CISTR: variants seen among roughly 807,000 people sequenced by gnomAD.
CISTR encodes chondrogenic regulator lncRNA.
At position 53,751,619 on chromosome 12, in the gene CISTR, C is replaced by G. The variant is rs1228382926; in HGVS notation, n.415-654G>C. Among the ~76,000 whole-genome samples the G allele has an allele frequency of 1.3e-5, 2 of 152,106 alleles. No homozygotes were observed. The highest frequency in any genetic ancestry group is 2.9e-5 in the Non-Finnish European group (2 of 68,000). ...GCTGCAGCCAATTTCATGCCAGCGC[C>G]GAGCACTGGCTGGGCCGGGAGTGGG... On this transcript the variant is annotated intron_variant and non_coding_transcript_variant, in intron 1 of 2. Transcript: ENST00000669269. This position sits in a 1 kb window ranked among gnomAD's most constrained non-coding sequence, Gnocchi z 4.6.
chr12:53,749,264 G>A (rs1937817733), intron 2 of CISTR, among the ~76,000 whole-genome samples: 1 of 151,248 alleles, frequency 6.6e-6, no homozygotes, highest in Non-Finnish European at 1.5e-5. Flanking sequence ...AGACAGAGGT[G>A]GAGAAAGAAA....
intron 1 of CISTR, among the ~76,000 whole-genome samples, chr12:53,752,979 C>CA (rs1328386267): frequency 4.6e-5 from 7 of 151,648 alleles, no homozygotes; most frequent in South Asian, 4.2e-4. Flanking sequence ...CCAGCTCCCC[C>CA]AAGACTCCTG....
At chr12:53,755,723 C>CG (rs1937907622) in intron 1 of CISTR, 1 of 152,404 alleles carries the variant, frequency 6.6e-6, no homozygotes, top group African/African-American at 2.4e-5. Context: ...CCCCTCTCTA[C>CG]GCTCTTTGCC....
chr12:53,750,350 C>T (rs1320521842), exon 2 of CISTR: 5 of 152,528 alleles, frequency 3.3e-5, no homozygotes, highest in African/African-American at 1.2e-4. Flanking sequence ...GGTGAGCAAA[C>T]CACAAATGAG....
intron 1 of CISTR, among the ~76,000 whole-genome samples, chr12:53,753,087 CACAGAG>C (rs748372984): frequency 0.026 from 2,818 of 106,516 alleles, 66 homozygotes; most frequent in African/African-American, 0.061. Flanking sequence ...CACACACACA[CACAGAG>C]AGAGACACAC....
intron 1 of CISTR, among the ~76,000 whole-genome samples, chr12:53,754,131 G>A (rs1245098082): frequency 6.6e-6 from 1 of 152,102 alleles, no homozygotes; most frequent in Non-Finnish European, 1.5e-5. Context: ...ATAATGGGAA[G>A]ATGGAAGGCT....
At chr12:53,753,091 G>A (rs1864447) in intron 1 of CISTR, among the ~76,000 whole-genome samples, 1 of 116,226 alleles carries the variant, frequency 8.6e-6, no homozygotes, top group East Asian at 2.0e-4. Flanking sequence ...CACACACACA[G>A]AGAGAGACAC....
chr12:53,749,911 T>C (rs140895088), intron 2 of CISTR, among the ~76,000 whole-genome samples: 14 of 152,156 alleles, frequency 9.2e-5, no homozygotes, highest in African/African-American at 3.4e-4. Flanking sequence ...TGAAAGGCAA[T>C]CCTGAAGGGG....
intron 2 of CISTR, among the ~76,000 whole-genome samples, chr12:53,748,362 C>T (rs944101701): frequency 3.9e-5 from 6 of 152,122 alleles, no homozygotes; most frequent in South Asian, 2.1e-4. Flanking sequence ...GGGGAGATGA[C>T]GGACACACAG....
chr12:53,746,550 A>G (rs1384032103), exon 3 of CISTR, among the ~76,000 whole-genome samples: 1 of 152,180 alleles, frequency 6.6e-6, no homozygotes, highest in African/African-American at 2.4e-5. Flanking sequence ...CCCCAGTGCT[A>G]GGAGAACGAG....
chr12:53,751,163 C>A lies in CISTR; in HGVS notation n.415-198G>T, dbSNP rs916463733. Among the ~76,000 whole-genome samples the A allele has an allele frequency of 1.3e-5, 2 of 152,078 alleles. No individual in the cohort carries two copies. Among genetic ancestry groups the A allele is most frequent in the African/African-American group, 4.8e-5 (2 of 41,400 alleles). On this transcript the variant is annotated intron_variant and non_coding_transcript_variant, in intron 1 of 2. Transcript: ENST00000669269. This position sits in a 1 kb window ranked among gnomAD's most constrained non-coding sequence, Gnocchi z 4.6. ...GCGCAATACCCTCCTGGCCCACAGGCCTCCGCACGCACAGGACACACACAC... is the reference window on the plus strand; with the variant it reads ...GCGCAATACCCTCCTGGCCCACAGGACTCCGCACGCACAGGACACACACAC...
chr12:53,747,109 T>G (rs1937791722), intron 2 of CISTR, among the ~76,000 whole-genome samples: 1 of 152,224 alleles, frequency 6.6e-6, no homozygotes, highest in Non-Finnish European at 1.5e-5. Context: ...CCTGTATTCC[T>G]AGGGTCACTC....
rs143489001 is a variant in CISTR at position 53,751,987 on chromosome 12, C to G, written n.415-1022G>C. Among the ~76,000 whole-genome samples, 2 of 152,164 alleles carry G rather than the reference C, an allele frequency of 1.3e-5. No homozygotes were observed. Among genetic ancestry groups the G allele is most frequent in the East Asian group, 1.9e-4 (1 of 5,152 alleles). ...CTCTTCCACAGGGTCTCTCCCTCCC[C>G]CTCTCCCCGTGGTTGTCAGACTTTC... On this transcript the variant is annotated intron_variant and non_coding_transcript_variant, in intron 1 of 2. Transcript: ENST00000669269. This position sits in a 1 kb window ranked among gnomAD's most constrained non-coding sequence, Gnocchi z 4.6.
intron 2 of CISTR, among the ~76,000 whole-genome samples, chr12:53,747,525 T>C (rs981018142): frequency 4.6e-5 from 7 of 152,018 alleles, no homozygotes; most frequent in African/African-American, 1.4e-4. Context: ...AAGTCGTGGT[T>C]GGAATGACTG....
intron 1 of CISTR, among the ~76,000 whole-genome samples, chr12:53,755,227 C>T (rs1240572714): frequency 6.6e-6 from 1 of 151,972 alleles, no homozygotes; most frequent in Non-Finnish European, 1.5e-5. Flanking sequence ...TTTTGTCCCA[C>T]GATGTGAGAC....
chr12:53,754,802 A>G lies in CISTR; in HGVS notation n.414+2012T>C, dbSNP rs796506715. Reference sequence around the variant, plus strand: ...CCCTCTGATCTTGCTTCATACTTTCAATCTCTGTTTTCACTCTCCTGTGCA... The same window carrying G: ...CCCTCTGATCTTGCTTCATACTTTCGATCTCTGTTTTCACTCTCCTGTGCA... On this transcript the variant is annotated intron_variant and non_coding_transcript_variant, in intron 1 of 2. Transcript: ENST00000669269. Among the ~76,000 whole-genome samples, 3 of 151,980 alleles carry G rather than the reference A, an allele frequency of 2.0e-5. No individual in the cohort carries two copies. The South Asian group carries it at 6.2e-4, about 32-fold the overall frequency.
intron 1 of CISTR, among the ~76,000 whole-genome samples, chr12:53,752,242 CG>C (rs1198634035): frequency 6.6e-6 from 1 of 152,218 alleles, no homozygotes; most frequent in African/African-American, 2.4e-5. Flanking sequence ...CGTCTACCCT[CG>C]GGTTTCAGGT....
intron 2 of CISTR, among the ~76,000 whole-genome samples, chr12:53,747,610 T>C (rs779962402): frequency 2.6e-5 from 4 of 152,066 alleles, no homozygotes; most frequent in African/African-American, 7.3e-5. Flanking sequence ...AGGGGCCAGA[T>C]ACTGAGTTAC....
At chr12:53,753,798 A>G (rs927509568) in intron 1 of CISTR, among the ~76,000 whole-genome samples, 1 of 101,288 alleles carries the variant, frequency 9.9e-6, no homozygotes, top group Non-Finnish European at 2.2e-5. Context: ...GGGCTGCAGC[A>G]GAGAGCCTGG....
Sources: allele counts gnomAD v4.1 joint callset (sites outside exome capture counted in the v4.1 genomes callset), GRCh38; gene constraint gnomAD v4.1.1; non-coding constraint Gnocchi (gnomAD v3.1); transcripts MANE v1.5; gene names NCBI Gene and HGNC (gene_info 2026-07-23, HGNC 2026-07-21).